The following HCLS1 variants were observed in gnomAD, a reference collection of about 807,000 sequenced individuals.
HCLS1 encodes the protein hematopoietic lineage cell-specific protein.
In HCLS1, 44 loss-of-function variants were observed where a neutral mutation model predicts 68.6. The observed-to-expected ratio is 0.64, with a 90% CI of 0.50 to 0.82. The LOEUF (loss-of-function observed/expected upper bound fraction) is 0.82, where lower values mean the gene tolerates loss of function less well. Ranked by LOEUF, HCLS1 falls within the 40% of genes least tolerant of loss-of-function variation. The pLI, the probability that HCLS1 is intolerant of heterozygous loss-of-function variation, is 0.00. For synonymous variants in HCLS1, 217 were observed against 225.8 expected, an observed-to-expected ratio of 0.96 and a Z score of 0.35; for missense variants, 602 against 612.1, an observed-to-expected ratio of 0.98 and a Z score of 0.17.
rs1181452367 is a variant in HCLS1, at chr3:121,655,462, C to CTTTTTTTTTTTTTTTTTTTTTTTTTTT, written c.158+1816_158+1817insAAAAAAAAAAAAAAAAAAAAAAAAAAA. 8.0e-5 allele frequency: 4 copies of CTTTTTTTTTTTTTTTTTTTTTTTTTTT among 50,066 alleles called. 2 individuals are homozygous for CTTTTTTTTTTTTTTTTTTTTTTTTTTT. Among genetic ancestry groups the CTTTTTTTTTTTTTTTTTTTTTTTTTTT allele is most frequent in the Non-Finnish European group, 7.5e-5 (2 of 26,522 alleles). 3.1% of individuals were successfully genotyped at this position (50,066 alleles called of 1,614,324 possible). On this transcript the variant is annotated intron_variant, in intron 3 of 13. Coordinates refer to ENST00000314583, the MANE Select transcript of HCLS1 (RefSeq NM_005335.6). Reference sequence around the variant, plus strand: ...CATTTTTTTATGAGGGTTGCTTGCTCTTTTTTTTTTTTTTTTTTTTTTTTT... The same window carrying CTTTTTTTTTTTTTTTTTTTTTTTTTTT: ...CATTTTTTTATGAGGGTTGCTTGCTCTTTTTTTTTTTTTTTTTTTTTTTTTTTTTTTTTTTTTTTTTTTTTTTTTTTT...
intron 10 of HCLS1, 66 bp downstream of exon 10, chr3:121,634,141 G>A: frequency 6.2e-7 from 1 of 1,602,004 alleles, no homozygotes; most frequent in Non-Finnish European, 8.5e-7. Context: ...CCAATGGTTT[G>A]GACCCCTTAG....
intron 6 of HCLS1, among the ~76,000 whole-genome samples, chr3:121,640,782 AAGGGG>A (rs1185039803): frequency 0.41 from 21,697 of 53,140 alleles, 5,400 homozygotes; most frequent in Non-Finnish European, 0.48. Context: ...AAGGCAAGGG[AAGGGG>A]AGGGGAGGGG....
At chr3:121,657,664 A>G (rs1346922752) in intron 2 of HCLS1, among the ~76,000 whole-genome samples, 1 of 152,058 alleles carries the variant, frequency 6.6e-6, no homozygotes, top group African/African-American at 2.4e-5. Flanking sequence ...AAAAAAATAC[A>G]AAAATTAGCC....
intron 11 of HCLS1, 36 bp from the exon 12 acceptor site, chr3:121,632,599 C>A (rs1489780401): frequency 6.3e-7 from 1 of 1,584,146 alleles, no homozygotes; most frequent in Non-Finnish European, 8.6e-7. Context: ...GTGACTTCCA[C>A]TTTCCAGGAG....
At chr3:121,652,830 T>C (rs569355100) in intron 3 of HCLS1, among the ~76,000 whole-genome samples, 4 of 152,302 alleles carry the variant, frequency 2.6e-5, no homozygotes, top group South Asian at 2.1e-4. Context: ...CCTTAGGGAA[T>C]TGGCAATAGC....
chr3:121,659,410 C>T (rs115940921), intron 1 of HCLS1, among the ~76,000 whole-genome samples: 451 of 152,298 alleles, frequency 3.0e-3, no homozygotes, highest in Non-Finnish European at 5.0e-3. Flanking sequence ...GACACCTCAT[C>T]CCATTGGAGA....
At chr3:121,632,790 G>A (rs914386952) in intron 11 of HCLS1, among the ~76,000 whole-genome samples, 2 of 149,960 alleles carry the variant, frequency 1.3e-5, no homozygotes, top group South Asian at 2.2e-4. Flanking sequence ...GGAAGAGAAT[G>A]TAAAAGGTGT....
chr3:121,658,066 C>T (rs1937912426), intron 2 of HCLS1, 198 bp downstream of exon 2: 1 of 554,010 alleles, frequency 1.8e-6, no homozygotes. Context: ...CCACACCTGT[C>T]TCTTTTCATC....
At position 121,635,235 on chromosome 3, in the gene HCLS1, TTTTCTC is replaced by T. The variant is rs1439907707; in HGVS notation, c.691+494_691+499del. Among the ~76,000 whole-genome samples the T allele has an allele frequency of 2.9e-4, 24 of 81,588 alleles. No homozygotes were observed. In the East Asian group the frequency reaches 9.6e-3, roughly 32 times the overall value. The allele number at this position is 81,588 out of a possible 152,430, so 53.5% of individuals were successfully genotyped here. A position where few individuals can be genotyped will look rare whatever the true frequency, so the allele number is the denominator to read the frequency against. ...TCTCTCTCTCTCTCTCTTCTCTCCC[TTTTCTC>T]TCTCTCTCTCTCTCTCTCTCTCTCT... On this transcript the variant is annotated intron_variant, in intron 9 of 13. Transcript: ENST00000314583.
chr3:121,644,955 T>C (rs750023906), intron 4 of HCLS1, 27 bp from the exon 5 acceptor site: 15 of 1,526,188 alleles, frequency 9.8e-6, no homozygotes, highest in Admixed American at 6.7e-5. Flanking sequence ...ATGGAGTGAG[T>C]GAAAAGATAA....
chr3:121,633,192 C>T (rs765243652), intron 10 of HCLS1, 21 bp from the exon 11 acceptor site: 1 of 1,477,256 alleles, frequency 6.8e-7, no homozygotes, highest in Non-Finnish European at 9.3e-7. Context: ...TGAAGCATCT[C>T]TCAAGTAAGC....
chr3:121,641,776 G>A (rs1205900883), intron 6 of HCLS1, among the ~76,000 whole-genome samples: 1 of 151,874 alleles, frequency 6.6e-6, no homozygotes, highest in Non-Finnish European at 1.5e-5. Flanking sequence ...AGAAAAAAGA[G>A]GGATTCAAAA....
chr3:121,638,473 C>T (rs934551121), intron 6 of HCLS1, among the ~76,000 whole-genome samples: 3 of 152,080 alleles, frequency 2.0e-5, no homozygotes, highest in African/African-American at 7.2e-5. Context: ...GAAGCTCTGT[C>T]CACTCCTATA....
intron 9 of HCLS1, 91 bp from the exon 10 acceptor site, chr3:121,634,509 A>C: frequency 8.3e-7 from 1 of 1,206,394 alleles, no homozygotes; most frequent in Non-Finnish European, 1.2e-6. Context: ...AATCAGTTAA[A>C]TATCCGGGAG....
In HCLS1 at chr3:121,631,620, G is replaced by A; in HGVS notation, c.*226C>T. 1.9e-6 allele frequency: 1 copy of A among 522,776 alleles called. No homozygotes were observed. The allele number at this position is 522,776 out of a possible 1,614,324, so 32.4% of individuals were successfully genotyped here. On this transcript the variant is annotated 3_prime_UTR_variant, in exon 14 of 14. Coordinates refer to ENST00000314583, the MANE Select transcript of HCLS1 (RefSeq NM_005335.6). The stretch of plus-strand genomic sequence containing the variant: ...GAGGTGTTCATTGGGAAGGAGTCAG[G>A]AACACAAGAGAAATGTTCATGAGCT...
intron 5 of HCLS1, 115 bp from the exon 6 acceptor site, chr3:121,643,096 A>C: frequency 1.3e-6 from 1 of 773,902 alleles, no homozygotes; most frequent in Admixed American, 1.8e-5. Context: ...CTTCAGGCTG[A>C]GTATAGGTGT....
intron 2 of HCLS1, 153 bp downstream of exon 2, chr3:121,658,111 A>G (rs1179309389): frequency 1.5e-6 from 1 of 651,514 alleles, no homozygotes; most frequent in Non-Finnish European, 2.8e-6. Flanking sequence ...CCCACAGGTG[A>G]CAGCCAATTG....
At chr3:121,634,475 C>A in intron 9 of HCLS1, 57 bp from the exon 10 acceptor site, 2 of 1,524,558 alleles carry the variant, frequency 1.3e-6, no homozygotes, top group Non-Finnish European at 1.8e-6. Context: ...TGGGGAAGGG[C>A]ATGGCACTTG....
chr3:121,660,602 GCTCCTGAAACA>G (rs1332023635), intron 1 of HCLS1, among the ~76,000 whole-genome samples: 1 of 152,148 alleles, frequency 6.6e-6, no homozygotes, highest in Admixed American at 6.5e-5. Flanking sequence ...GTGCTAGATG[GCTCCTGAAACA>G]CTTGCCTTGG....
Sources: gnomAD v4.1 joint callset for allele counts (sites outside exome capture counted in the v4.1 genomes callset) on GRCh38, gnomAD v4.1.1 for gene constraint, MANE v1.5 for transcripts, NCBI Gene and HGNC (gene_info 2026-07-23, HGNC 2026-07-21) for gene names.